SDK1: variants seen among roughly 807,000 people sequenced by gnomAD.
SDK1 encodes the protein protein sidekick-1.
SDK1 carries 157 observed loss-of-function variants against 245.5 expected under a neutral mutation model. The observed-to-expected ratio is 0.64, with a 90% confidence interval of 0.56 to 0.73. SDK1 has a LOEUF of 0.73. SDK1 is among the 30% of genes least tolerant of loss of function. The pLI, the probability that SDK1 is intolerant of heterozygous loss-of-function variation, is 0.00. For synonymous variants in SDK1, 1,647 were observed against 1,278.5 expected (o/e 1.29, Z -6.15); for missense variants, 3,583 against 3,002.3 (o/e 1.19, Z -4.52).
intron 17 of SDK1, among the ~76,000 whole-genome samples, chr7:4,047,858 T>C (rs1789132283): frequency 6.6e-6 from 1 of 152,328 alleles, no homozygotes; most frequent in Admixed American, 6.5e-5. Context: ...CTTAGGTGGA[T>C]GTGATGTTCT....
Position 3,917,295 on chromosome 7 carries a change from T to G in SDK1, c.848-33628T>G, listed in dbSNP as rs150820887. Among the ~76,000 whole-genome samples the G allele has an allele frequency of 1.2e-4, 18 of 152,316 alleles. No homozygotes were observed. In the East Asian group the frequency reaches 3.3e-3, roughly 28 times the overall value. On this transcript the variant is annotated intron_variant, in intron 5 of 44. Transcript: ENST00000404826. ...CATTCATTATGCACTTAGCTAATAT[T>G]TATTGAACCTCTGTGTTCTGTTGGT...
chr7:3,391,633 T>C (rs534506374), intron 1 of SDK1, among the ~76,000 whole-genome samples: 2 of 134,438 alleles, frequency 1.5e-5, no homozygotes, highest in African/African-American at 6.0e-5. Context: ...TCCTGTTAAC[T>C]GATTTTTTTT....
intron 5 of SDK1, among the ~76,000 whole-genome samples, chr7:3,844,324 T>A (rs1036324502): frequency 6.6e-6 from 1 of 152,058 alleles, no homozygotes; most frequent in Non-Finnish European, 1.5e-5. Context: ...GAAGGGTGAG[T>A]TTGTATTTCT....
At chr7:4,256,211 C>T (rs888318472) in intron 44 of SDK1, among the ~76,000 whole-genome samples, 11 of 152,230 alleles carry the variant, frequency 7.2e-5, no homozygotes, top group African/African-American at 2.7e-4. Flanking sequence ...TGAGCCACTG[C>T]ACCCAGCCTT....
Position 4,078,274 on chromosome 7 carries a change from C to T in SDK1, c.3202+1085C>T, listed in dbSNP as rs75477376. 4.1e-3 allele frequency among the ~76,000 whole-genome samples: 617 copies of T among 152,198 alleles called. 3 individuals carry two copies. The highest frequency in any genetic ancestry group is 8.6e-3 in the African/African-American group (358 of 41,504). ...TAGTGGCTGGAGGCAAATCAAATGG[C>T]GAGGACTGCTTTGGGGACACCATGT... On this transcript the variant is annotated intron_variant, in intron 21 of 44. Transcript: ENST00000404826.
chr7:4,016,186 C>T (rs866823659), intron 16 of SDK1, among the ~76,000 whole-genome samples: 23 of 152,252 alleles, frequency 1.5e-4, no homozygotes, highest in African/African-American at 4.3e-4. Flanking sequence ...GCTCAGAGAT[C>T]AGCGTCCTGG....
chr7:4,231,594 GAAGA>G (rs965226532), intron 40 of SDK1, among the ~76,000 whole-genome samples: 12 of 139,666 alleles, frequency 8.6e-5, no homozygotes, highest in African/African-American at 2.3e-4. Flanking sequence ...AAGAAAGGAA[GAAGA>G]AAGAAAGAGC....
intron 5 of SDK1, among the ~76,000 whole-genome samples, chr7:3,866,699 G>T (rs1353636990): frequency 2.0e-5 from 3 of 152,194 alleles, no homozygotes; most frequent in African/African-American, 2.4e-5. Flanking sequence ...AGCATTGATT[G>T]TGAGGCATAC....
intron 40 of SDK1, among the ~76,000 whole-genome samples, chr7:4,225,021 AC>A (rs1785343196): frequency 8.9e-6 from 1 of 112,340 alleles, no homozygotes; most frequent in African/African-American, 3.2e-5. Flanking sequence ...AAAAAAAGAC[AC>A]CCGCACTAGA....
intron 28 of SDK1, among the ~76,000 whole-genome samples, chr7:4,137,786 C>T (rs1046714630): frequency 2.0e-5 from 3 of 152,158 alleles, no homozygotes; most frequent in African/African-American, 7.3e-5. Context: ...GTGCAGCGCA[C>T]TGATGTTTCT....
At chr7:4,197,321 A>AAAAGG (rs1783642563) in intron 35 of SDK1, among the ~76,000 whole-genome samples, 1 of 139,280 alleles carries the variant, frequency 7.2e-6, no homozygotes, top group Non-Finnish European at 1.6e-5. Context: ...AAAAGAAAAG[A>AAAAGG]AAGAAAGAAA....
chr7:3,382,604 A>T (rs1181342839), intron 1 of SDK1, among the ~76,000 whole-genome samples: 4 of 152,146 alleles, frequency 2.6e-5, no homozygotes, highest in African/African-American at 9.7e-5. Flanking sequence ...TGCAGTCTTA[A>T]TTGTCCTGAT....
At chr7:4,105,139 T>C (rs1383833554) in intron 22 of SDK1, among the ~76,000 whole-genome samples, 1 of 147,188 alleles carries the variant, frequency 6.8e-6, no homozygotes, top group African/African-American at 2.5e-5. Flanking sequence ...TGTGCCACCA[T>C]GCCCAGCTAA....
In SDK1 at chr7:4,136,449, G is replaced by A. The variant is rs559000209; in HGVS notation, c.4228+4026G>A. ...GAGTACATAAACACCTCTGCCGCCC[G>A]AGCTTTTGTAATCTATATCAAAACA... On this transcript the variant is annotated intron_variant, in intron 28 of 44. Transcript: ENST00000404826. 7.9e-5 allele frequency among the ~76,000 whole-genome samples: 12 copies of A among 152,278 alleles called. No homozygotes were observed. The South Asian group carries it at 8.3e-4, about 11-fold the overall frequency.
chr7:3,960,055 T>C (rs1431112253), intron 8 of SDK1, among the ~76,000 whole-genome samples: 1 of 152,236 alleles, frequency 6.6e-6, no homozygotes. Flanking sequence ...GTCCTAAGGA[T>C]AGTATTTTCT....
At chr7:3,453,376 C>A (rs1244815350) in intron 1 of SDK1, among the ~76,000 whole-genome samples, 1 of 152,208 alleles carries the variant, frequency 6.6e-6, no homozygotes, top group Non-Finnish European at 1.5e-5. Context: ...ACATCAAATC[C>A]CTGGAACCTG....
At chr7:3,355,016 T>G (rs957244266) in intron 1 of SDK1, among the ~76,000 whole-genome samples, 5 of 152,354 alleles carry the variant, frequency 3.3e-5, no homozygotes, top group Non-Finnish European at 7.3e-5. Flanking sequence ...AAGCTACAGT[T>G]TATTTTCTCA....
At chr7:4,174,413 G>C in intron 33 of SDK1, 56 bp downstream of exon 33, 1 of 1,574,640 alleles carries the variant, frequency 6.4e-7, no homozygotes, top group Admixed American at 1.7e-5. Context: ...GGGACCCTTG[G>C]TATCTGCTCA....
At chr7:3,469,994 G>A (rs17133385) in intron 1 of SDK1, among the ~76,000 whole-genome samples, 4,838 of 152,264 alleles carry the variant, frequency 0.032, 136 homozygotes, top group African/African-American at 0.06. Context: ...GACACAAAAT[G>A]CATGCAGTAA....
Sources: allele counts gnomAD v4.1 joint callset (sites outside exome capture counted in the v4.1 genomes callset), GRCh38; gene constraint gnomAD v4.1.1; transcripts MANE v1.5; gene names NCBI Gene and HGNC (gene_info 2026-07-23, HGNC 2026-07-21).